INPP4B: variants seen among roughly 807,000 people sequenced by gnomAD.
INPP4B encodes the protein inositol polyphosphate-4-phosphatase type II B.
INPP4B carries 55 observed loss-of-function variants against 122.5 expected under a neutral mutation model. The observed-to-expected ratio is 0.45, with a 90% CI of 0.36 to 0.56. INPP4B has a LOEUF of 0.56. Among genes scored for constraint, INPP4B ranks in the 20% least tolerant of loss-of-function variants. The pLI is 0.00. For synonymous variants in INPP4B, 403 were observed against 388.7 expected (o/e 1.04, Z -0.43); for missense variants, 1,000 against 1,097.7 (o/e 0.91, Z 1.26).
intron 24 of INPP4B, among the ~76,000 whole-genome samples, chr4:142,083,357 A>T (rs1357578157): frequency 6.6e-6 from 1 of 152,166 alleles, no homozygotes; most frequent in East Asian, 1.9e-4. Flanking sequence ...GATTTAAGTC[A>T]GAGAAAAATC....
At chr4:142,758,000 A>G (rs1654089286) in intron 1 of INPP4B, among the ~76,000 whole-genome samples, 1 of 152,198 alleles carries the variant, frequency 6.6e-6, no homozygotes, top group African/African-American at 2.4e-5. Flanking sequence ...TTTAAACTCC[A>G]TAGGCAACAG....
At chr4:142,055,694 C>G (rs1908922) in intron 25 of INPP4B, among the ~76,000 whole-genome samples, 122,597 of 150,532 alleles carry the variant, frequency 0.81, 51,927 homozygotes, top group Non-Finnish European at 0.92. Context: ...TCTACTAAAT[C>G]TTTTTTTTTT....
intron 2 of INPP4B, among the ~76,000 whole-genome samples, chr4:142,704,970 C>T (rs1349578835): frequency 6.6e-6 from 1 of 152,148 alleles, no homozygotes; most frequent in Non-Finnish European, 1.5e-5. Flanking sequence ...GAATTTAATG[C>T]ATTTCTCAGT....
chr4:142,176,999 T>C (rs887533874), intron 15 of INPP4B, among the ~76,000 whole-genome samples: 24 of 152,198 alleles, frequency 1.6e-4, no homozygotes, highest in African/African-American at 5.5e-4. Flanking sequence ...TTTTTCATCA[T>C]GATTTCATCT....
At chr4:142,077,873 T>G (rs1771671480) in intron 25 of INPP4B, among the ~76,000 whole-genome samples, 1 of 151,892 alleles carries the variant, frequency 6.6e-6, no homozygotes, top group African/African-American at 2.4e-5. Flanking sequence ...AAAATTGGTT[T>G]AAATAAAGTA....
At chr4:142,827,770 G>A (rs1196515213) in intron 1 of INPP4B, among the ~76,000 whole-genome samples, 1 of 152,102 alleles carries the variant, frequency 6.6e-6, no homozygotes, top group Non-Finnish European at 1.5e-5. Flanking sequence ...ACACGTTAAT[G>A]GTCCTTTCTT....
chr4:142,675,574 T>C (rs1757641556), intron 2 of INPP4B, among the ~76,000 whole-genome samples: 2 of 152,170 alleles, frequency 1.3e-5, no homozygotes, highest in Non-Finnish European at 2.9e-5. Flanking sequence ...ATATCCCTGA[T>C]GAACATCAAT....
intron 2 of INPP4B, among the ~76,000 whole-genome samples, chr4:142,648,872 A>G (rs1352945058): frequency 6.6e-6 from 1 of 152,214 alleles, no homozygotes. Context: ...TTGAGCTCTC[A>G]GAATGGACAG....
chr4:142,809,751 T>A (rs1243394729), intron 1 of INPP4B, among the ~76,000 whole-genome samples: 3 of 152,122 alleles, frequency 2.0e-5, no homozygotes, highest in Non-Finnish European at 2.9e-5. Flanking sequence ...GTTTTCTCCT[T>A]ATGACTGATT....
intron 17 of INPP4B, among the ~76,000 whole-genome samples, chr4:142,152,746 C>A (rs1814938630): frequency 1.3e-5 from 2 of 152,124 alleles, no homozygotes; most frequent in Non-Finnish European, 2.9e-5. Context: ...AGGTGTCTGC[C>A]ACCACACTTG....
chr4:142,553,535 T>C (rs1345429792), intron 2 of INPP4B, among the ~76,000 whole-genome samples: 2 of 152,198 alleles, frequency 1.3e-5, no homozygotes, highest in African/African-American at 4.8e-5. Context: ...AGTCAACTCA[T>C]AGTTGACAGG....
chr4:142,166,358 C>T (rs897184608), intron 16 of INPP4B, among the ~76,000 whole-genome samples: 3 of 151,620 alleles, frequency 2.0e-5, no homozygotes, highest in Admixed American at 6.6e-5. Context: ...TGAAACTGGA[C>T]ACCTTCCTTA....
At chr4:142,539,926 C>A (rs1226757205) in intron 2 of INPP4B, among the ~76,000 whole-genome samples, 2 of 151,840 alleles carry the variant, frequency 1.3e-5, no homozygotes, top group African/African-American at 2.4e-5. Context: ...CAGGAGGAAA[C>A]TGAATATGAA....
At chr4:142,770,205 C>T (rs1198117285) in intron 1 of INPP4B, among the ~76,000 whole-genome samples, 2 of 152,138 alleles carry the variant, frequency 1.3e-5, no homozygotes, top group East Asian at 3.9e-4. Context: ...CAGATCACTT[C>T]TTGGTCACAA....
At chr4:142,032,974 T>C (rs1262019313) in intron 25 of INPP4B, among the ~76,000 whole-genome samples, 2 of 151,804 alleles carry the variant, frequency 1.3e-5, no homozygotes, top group African/African-American at 4.8e-5. Context: ...TTCTGTTTAA[T>C]GCATGGTAAA....
chr4:142,323,813 GCC>G (rs1447542672), intron 7 of INPP4B, among the ~76,000 whole-genome samples: 3 of 151,472 alleles, frequency 2.0e-5, no homozygotes, highest in Non-Finnish European at 4.4e-5. Context: ...GCAGACAGGT[GCC>G]CCCTTTTTAT....
At chr4:142,103,930 C>T (rs1239686605) in intron 23 of INPP4B, among the ~76,000 whole-genome samples, 1 of 151,830 alleles carries the variant, frequency 6.6e-6, no homozygotes, top group Non-Finnish European at 1.5e-5. Flanking sequence ...TGATGAAACA[C>T]TATATATAAA....
At chr4:142,381,228 G>T (rs913853105) in intron 7 of INPP4B, among the ~76,000 whole-genome samples, 3 of 152,002 alleles carry the variant, frequency 2.0e-5, no homozygotes, top group Non-Finnish European at 4.4e-5. Flanking sequence ...ATGTATGAGA[G>T]TACGCTTTTT....
chr4:142,570,509 G>T (rs888917080), intron 2 of INPP4B, among the ~76,000 whole-genome samples: 2 of 151,692 alleles, frequency 1.3e-5, no homozygotes, highest in Non-Finnish European at 2.9e-5. Flanking sequence ...AATTTGAGTG[G>T]GGAGATAATA....
Sources: allele counts gnomAD v4.1 joint callset (sites outside exome capture counted in the v4.1 genomes callset), GRCh38; gene constraint gnomAD v4.1.1; transcripts MANE v1.5; gene names NCBI Gene and HGNC (gene_info 2026-07-23, HGNC 2026-07-21).